Variants in SLC39A11 observed in about 807,000 individuals in gnomAD.
SLC39A11 encodes zinc transporter ZIP11.
A neutral mutation model predicts 36.1 loss-of-function variants in SLC39A11; 33 were observed. That is an observed-to-expected ratio of 0.91 (90% CI 0.69 to 1.22). SLC39A11 has a LOEUF of 1.22. SLC39A11 is among the 50% of genes most tolerant of loss of function. The probability of loss-of-function intolerance (pLI) is 0.00; values close to 1 mark genes in which losing one functional copy is unlikely to be tolerated. For synonymous variants in SLC39A11, 166 were observed against 170.3 expected, an observed-to-expected ratio of 0.97 and a Z score of 0.20; for missense variants, 432 against 430.3, an observed-to-expected ratio of 1.00 and a Z score of -0.03.
Position 73,033,989 on chromosome 17 carries a change from C to T in SLC39A11, c.148-2275G>A, listed in dbSNP as rs143823860. On this transcript the variant is annotated intron_variant, in intron 3 of 9. Coordinates refer to ENST00000255559, the MANE Select transcript of SLC39A11 (RefSeq NM_139177.4). Reference sequence around the variant, plus strand: ...CTCCAAAACTCTAAGAATGAAAATGCCTCTGCTCAACAGGATGGGAGCTGA... The same window carrying T: ...CTCCAAAACTCTAAGAATGAAAATGTCTCTGCTCAACAGGATGGGAGCTGA... 3.3e-5 allele frequency among the ~76,000 whole-genome samples: 5 copies of T among 152,314 alleles called. No individual in the cohort carries two copies. In the East Asian group the frequency reaches 9.6e-4, roughly 29 times the overall value.
intron 7 of SLC39A11, among the ~76,000 whole-genome samples, chr17:72,690,156 G>A (rs545008282): frequency 6.6e-6 from 1 of 152,376 alleles, no homozygotes; most frequent in African/African-American, 2.4e-5. Context: ...CGGGGCTCAA[G>A]AGCCCAGGTG....
chr17:72,708,459 C>T (rs2072981144), intron 7 of SLC39A11, among the ~76,000 whole-genome samples: 1 of 152,202 alleles, frequency 6.6e-6, no homozygotes, highest in Non-Finnish European at 1.5e-5. Flanking sequence ...CTCCCATAAT[C>T]ACATGAGCAA....
intron 4 of SLC39A11, among the ~76,000 whole-genome samples, chr17:73,021,716 C>T (rs1487520333): frequency 6.6e-6 from 1 of 152,164 alleles, no homozygotes; most frequent in Non-Finnish European, 1.5e-5. Flanking sequence ...GGGCATTTTT[C>T]ATAAACATGT....
At chr17:72,858,295 G>T (rs1300053756) in intron 5 of SLC39A11, among the ~76,000 whole-genome samples, 2 of 152,130 alleles carry the variant, frequency 1.3e-5, no homozygotes, top group Non-Finnish European at 2.9e-5. Context: ...TAGATGTTCA[G>T]CCTTATATAT....
rs542598977 is a variant in SLC39A11, at chr17:73,035,550, A to G, written c.148-3836T>C. Among the ~76,000 whole-genome samples the G allele has an allele frequency of 2.6e-5, 4 of 152,320 alleles. No homozygotes were observed. The South Asian group carries it at 8.3e-4, about 32-fold the overall frequency. ...AAAAGGACTCTGCACATGGGATTAAATTAAGGACCTGGAGATGGGGAGATG... is the reference window on the plus strand; with the variant it reads ...AAAAGGACTCTGCACATGGGATTAAGTTAAGGACCTGGAGATGGGGAGATG... On this transcript the variant is annotated intron_variant, in intron 3 of 9. Transcript: ENST00000255559.
At chr17:72,899,791 G>A (rs763504785) in intron 5 of SLC39A11, among the ~76,000 whole-genome samples, 8 of 152,024 alleles carry the variant, frequency 5.3e-5, no homozygotes, top group Admixed American at 6.6e-5. Flanking sequence ...GCGAAACCCC[G>A]TCTCTACTAA....
At chr17:72,938,865 A>C (rs192830617) in intron 5 of SLC39A11, among the ~76,000 whole-genome samples, 1 of 152,356 alleles carries the variant, frequency 6.6e-6, no homozygotes, top group Non-Finnish European at 1.5e-5. Flanking sequence ...TAAATTTTGC[A>C]TAAGGAGACT....
intron 4 of SLC39A11, among the ~76,000 whole-genome samples, chr17:72,989,241 A>G (rs2088987756): frequency 6.6e-6 from 1 of 152,226 alleles, no homozygotes; most frequent in Non-Finnish European, 1.5e-5. Context: ...TCCTTACTCA[A>G]TGCCAGAGGC....
At chr17:72,676,981 T>G (rs1162063035) in intron 7 of SLC39A11, among the ~76,000 whole-genome samples, 1 of 152,200 alleles carries the variant, frequency 6.6e-6, no homozygotes, top group Non-Finnish European at 1.5e-5. Flanking sequence ...CTGGGTACCT[T>G]TTTTCTTTGC....
intron 9 of SLC39A11, 77 bp from the exon 10 acceptor site, chr17:72,647,739 C>A: frequency 9.1e-7 from 1 of 1,101,826 alleles, no homozygotes; most frequent in Non-Finnish European, 1.4e-6. Context: ...GCATCCTCTG[C>A]AATGTCCAAT....
chr17:72,783,313 TG>T (rs1407294790), intron 6 of SLC39A11, among the ~76,000 whole-genome samples: 33 of 152,212 alleles, frequency 2.2e-4, no homozygotes, highest in African/African-American at 8.0e-4. Context: ...TTATAGAAGC[TG>T]TAACAGACTG....
chr17:72,961,096 CAG>C (rs2086580761), intron 4 of SLC39A11, among the ~76,000 whole-genome samples: 1 of 152,332 alleles, frequency 6.6e-6, no homozygotes, highest in East Asian at 1.9e-4. Flanking sequence ...AGCCACCAAA[CAG>C]AGTGGACTGA....
intron 3 of SLC39A11, chr17:73,073,773 T>A (rs2060235330): frequency 6.6e-6 from 1 of 152,054 alleles, no homozygotes; most frequent in African/African-American, 2.4e-5. Context: ...GCTCTCTCCT[T>A]TATCCCTGGG....
In SLC39A11 at chr17:72,889,879, G is replaced by A. The variant is rs185831251; in HGVS notation, c.431-40075C>T. ...TGCTGTACTGAGTAGCATGGCTTGA[G>A]TATCGTGTAAGGAGCAATGGACTCT... On this transcript the variant is annotated intron_variant, in intron 5 of 9. Coordinates refer to ENST00000255559, the MANE Select transcript of SLC39A11 (RefSeq NM_139177.4). Among the ~76,000 whole-genome samples the A allele has an allele frequency of 3.8e-4, 58 of 152,310 alleles. 1 individual carries two copies. Among genetic ancestry groups the A allele is most frequent in the Non-Finnish European group, 6.3e-4 (43 of 68,030 alleles).
chr17:73,031,249 G>C (rs2148671413), intron 4 of SLC39A11, among the ~76,000 whole-genome samples: 1 of 116,502 alleles, frequency 8.6e-6, no homozygotes, highest in Non-Finnish European at 1.6e-5. Flanking sequence ...CAGCACCACA[G>C]TGATCGTTCT....
chr17:72,875,654 C>T (rs1408322443), intron 5 of SLC39A11, among the ~76,000 whole-genome samples: 3 of 152,172 alleles, frequency 2.0e-5, no homozygotes, highest in Admixed American at 6.5e-5. Context: ...TTTCCCAGTT[C>T]GCATGCATTT....
chr17:72,888,598 T>C (rs1474123502), intron 5 of SLC39A11, among the ~76,000 whole-genome samples: 1 of 152,200 alleles, frequency 6.6e-6, no homozygotes, highest in Non-Finnish European at 1.5e-5. Flanking sequence ...TCTAAGCTTA[T>C]TTCATCCAAG....
At chr17:72,720,438 T>G (rs1472989857) in intron 7 of SLC39A11, among the ~76,000 whole-genome samples, 4 of 152,130 alleles carry the variant, frequency 2.6e-5, no homozygotes, top group Non-Finnish European at 5.9e-5. Flanking sequence ...ACCCTGCTCC[T>G]GGACCTGGGC....
At chr17:72,796,265 G>C (rs1466338210) in intron 6 of SLC39A11, among the ~76,000 whole-genome samples, 1 of 152,082 alleles carries the variant, frequency 6.6e-6, no homozygotes, top group Non-Finnish European at 1.5e-5. Context: ...TTTATCAAGC[G>C]AGGCTTCTCT....
Sources: allele counts gnomAD v4.1 joint callset (sites outside exome capture counted in the v4.1 genomes callset), GRCh38; gene constraint gnomAD v4.1.1; transcripts MANE v1.5; gene names NCBI Gene and HGNC (gene_info 2026-07-23, HGNC 2026-07-21).